ADORA1: variants seen among roughly 807,000 people sequenced by gnomAD.
ADORA1 encodes the protein adenosine receptor A1.
ADORA1 carries 6 observed loss-of-function variants against 19.9 expected under a neutral mutation model. The ratio of observed to expected loss-of-function variants is 0.30; its 90% confidence interval spans 0.17 to 0.59. The LOEUF (loss-of-function observed/expected upper bound fraction) is 0.59, where lower values mean the gene tolerates loss of function less well. Ranked by LOEUF, ADORA1 falls within the 20% of genes least tolerant of loss-of-function variation. The pLI, the probability that ADORA1 is intolerant of heterozygous loss-of-function variation, is 0.87. For missense variants in ADORA1, 302 were observed against 439.2 expected (o/e 0.69, Z 2.79); for synonymous variants, 194 against 188.4 (o/e 1.03, Z -0.24).
intron 3 of ADORA1, among the ~76,000 whole-genome samples, chr1:203,131,165 A>G (rs1005271613): frequency 6.6e-6 from 1 of 152,202 alleles, no homozygotes; most frequent in African/African-American, 2.4e-5. Context: ...TATTGTCACT[A>G]TTAACATATG....
chr1:203,161,800 C>T (rs1188584219), intron 3 of ADORA1, among the ~76,000 whole-genome samples: 3 of 152,102 alleles, frequency 2.0e-5, no homozygotes, highest in Non-Finnish European at 4.4e-5. Context: ...GTCTTGAACT[C>T]CCGACCTCAG....
intron 3 of ADORA1, among the ~76,000 whole-genome samples, chr1:203,130,585 G>T (rs1654301176): frequency 6.6e-6 from 1 of 152,256 alleles, no homozygotes; most frequent in African/African-American, 2.4e-5. Flanking sequence ...ATTAGTCCCA[G>T]GTTGCTGCTG....
chr1:203,143,847 GT>G (rs1484458244), intron 3 of ADORA1, among the ~76,000 whole-genome samples: 1 of 152,222 alleles, frequency 6.6e-6, no homozygotes, highest in Non-Finnish European at 1.5e-5. Flanking sequence ...TCCACAGTCA[GT>G]GTGGAGACAG....
At chr1:203,155,896 A>G (rs1379312702) in intron 3 of ADORA1, among the ~76,000 whole-genome samples, 1 of 152,194 alleles carries the variant, frequency 6.6e-6, no homozygotes, top group African/African-American at 2.4e-5. Context: ...GGGCATTGTA[A>G]TTGCCTTCAG....
At chr1:203,142,212 G>T (rs893880846) in intron 3 of ADORA1, among the ~76,000 whole-genome samples, 1 of 152,226 alleles carries the variant, frequency 6.6e-6, no homozygotes, top group African/African-American at 2.4e-5. Flanking sequence ...ATAATCCAAA[G>T]TTTGTTTTTT....
rs78569839 is a variant in ADORA1, at chr1:203,145,248, G to A, written c.341+16066G>A. On this transcript the variant is annotated intron_variant, in intron 3 of 3. Coordinates refer to ENST00000337894, the MANE Select transcript of ADORA1 (RefSeq NM_000674.3). The stretch of plus-strand genomic sequence containing the variant: ...GTTAAGAAGAGACTGGCCAGGGGAC[G>A]AGAAAAGTGAGTGTTGAGTCCAGGT... Among the ~76,000 whole-genome samples, 72 of 152,332 alleles carry A rather than the reference G, an allele frequency of 4.7e-4. No homozygotes were observed. The East Asian group carries it at 0.012, about 26-fold the overall frequency.
intron 3 of ADORA1, among the ~76,000 whole-genome samples, chr1:203,137,167 C>T (rs1362196916): frequency 6.6e-6 from 1 of 152,072 alleles, no homozygotes; most frequent in East Asian, 1.9e-4. Context: ...TGAGAAGGTG[C>T]CATTTGACCA....
At chr1:203,161,572 ATTT>A (rs34898677) in intron 3 of ADORA1, among the ~76,000 whole-genome samples, 1 of 136,642 alleles carries the variant, frequency 7.3e-6, no homozygotes, top group Non-Finnish European at 1.6e-5. Context: ...CCTCAGGGCT[ATTT>A]TTTTTTTTTT....
At chr1:203,145,477 T>G (rs1348724565) in intron 3 of ADORA1, among the ~76,000 whole-genome samples, 1 of 152,204 alleles carries the variant, frequency 6.6e-6, no homozygotes, top group East Asian at 1.9e-4. Flanking sequence ...CCTGTAAGGA[T>G]CCGGTGAGTG....
intron 3 of ADORA1, among the ~76,000 whole-genome samples, chr1:203,153,133 G>C (rs903448265): frequency 2.0e-5 from 3 of 152,086 alleles, no homozygotes; most frequent in Non-Finnish European, 4.4e-5. Flanking sequence ...ACACAGGTCT[G>C]GGGGGAGCTT....
At position 203,165,391 on chromosome 1, in the gene ADORA1, G is replaced by T. The variant is rs375273760; in HGVS notation, c.472G>T (p.Ala158Ser). Residue 158 changes from alanine to serine, a missense_variant, in exon 4 of 4, where the codon GCC becomes TCC. By Grantham distance (99) the Ala-to-Ser change is moderately conservative (BLOSUM62 1). Transcript: ENST00000337894. This position sits in a 1 kb window ranked among gnomAD's most constrained non-coding sequence, Gnocchi z 5.9. ...GAGTGCGGTGGAGCGGGCCTGGGCAGCCAACGGCAGCATGGGGGAGCCCGT... is the reference window on the plus strand; with the variant it reads ...GAGTGCGGTGGAGCGGGCCTGGGCATCCAACGGCAGCATGGGGGAGCCCGT... ...NLSAVERAWAANGSMGEPVIK... is the reference protein window; with the variant it reads ...NLSAVERAWASNGSMGEPVIK... The T allele has an allele frequency of 2.9e-5, 46 of 1,607,934 alleles. No homozygotes were observed. In the African/African-American group the frequency reaches 5.6e-4, roughly 20 times the overall value.
chr1:203,142,719 T>C (rs1263071681), intron 3 of ADORA1, among the ~76,000 whole-genome samples: 2 of 152,144 alleles, frequency 1.3e-5, no homozygotes, highest in Non-Finnish European at 2.9e-5. Flanking sequence ...GACATGACTC[T>C]GCTTCCAGGG....
At chr1:203,151,543 CAG>C (rs1655035453) in intron 3 of ADORA1, among the ~76,000 whole-genome samples, 1 of 152,150 alleles carries the variant, frequency 6.6e-6, no homozygotes, top group Non-Finnish European at 1.5e-5. Context: ...CCAGTAGAAT[CAG>C]GGGTGTGCTC....
intron 3 of ADORA1, among the ~76,000 whole-genome samples, chr1:203,133,775 G>A (rs549296911): frequency 2.3e-4 from 35 of 152,352 alleles, no homozygotes; most frequent in African/African-American, 5.8e-4. Flanking sequence ...CTGCTGACCC[G>A]GGGAACCACA....
intron 3 of ADORA1, chr1:203,152,480 T>A (rs1655069422): frequency 6.6e-6 from 1 of 152,354 alleles, no homozygotes; most frequent in African/African-American, 2.4e-5. Context: ...TCCACTTCAC[T>A]GGAAAAGGAA....
intron 3 of ADORA1, among the ~76,000 whole-genome samples, chr1:203,143,621 G>T (rs1045539910): frequency 1.3e-5 from 2 of 151,942 alleles, no homozygotes; most frequent in Admixed American, 6.6e-5. Context: ...TAATATTCTT[G>T]GCTTCCAGAC....
Position 203,128,321 on chromosome 1 carries a change from T to G in ADORA1, c.-169T>G. On this transcript the variant is annotated 5_prime_UTR_variant, in exon 2 of 4. Coordinates refer to ENST00000337894, the MANE Select transcript of ADORA1 (RefSeq NM_000674.3). This position sits in a 1 kb window ranked among gnomAD's most constrained non-coding sequence, Gnocchi z 5.9. ...CGGCGGGAGCCGGAGGACTATGAGC[T>G]GCCGCGCGTTGTCCAGAGCCCAGCC... is the stretch of plus-strand genomic sequence containing the variant. 2 of 1,287,112 alleles carry G rather than the reference T, an allele frequency of 1.6e-6. No individual in the cohort carries two copies. Among genetic ancestry groups the G allele is most frequent in the South Asian group, 2.5e-5 (2 of 80,894 alleles). The allele number at this position is 1,287,112 out of a possible 1,614,324, so 79.7% of individuals were successfully genotyped here.
rs1192461491 is a variant in ADORA1 at position 203,161,561 on chromosome 1, C to T, written c.342-3700C>T. Among the ~76,000 whole-genome samples, 6 of 151,272 alleles carry T rather than the reference C, an allele frequency of 4.0e-5. No individual in the cohort carries two copies. The East Asian group carries it at 1.2e-3, about 29-fold the overall frequency. On this transcript the variant is annotated intron_variant, in intron 3 of 3. Coordinates refer to ENST00000337894, the MANE Select transcript of ADORA1 (RefSeq NM_000674.3). ...TCTGGAGGTGGGGCTCTCCCTGGTTCCCTCAGGGCTATTTTTTTTTTTTTT... is the reference window on the plus strand; with the variant it reads ...TCTGGAGGTGGGGCTCTCCCTGGTTTCCTCAGGGCTATTTTTTTTTTTTTT...
chr1:203,165,212 C>G lies in ADORA1; in HGVS notation c.342-49C>G, dbSNP rs139893335. On this transcript the variant is annotated intron_variant, in intron 3 of 3. Coordinates refer to ENST00000337894, the MANE Select transcript of ADORA1 (RefSeq NM_000674.3). This position sits in a 1 kb window ranked among gnomAD's most constrained non-coding sequence, Gnocchi z 5.9. ...CCAGGCGTGCCTCAGAGGGGCCTTT[C>G]GAGGCAGCTGGGAGGCAGATCCTCA... 4 of 1,599,152 alleles carry G rather than the reference C, an allele frequency of 2.5e-6. No homozygotes were observed. The Admixed American group carries it at 6.9e-5, about 28-fold the overall frequency.
Sources: allele counts gnomAD v4.1 joint callset (sites outside exome capture counted in the v4.1 genomes callset), GRCh38; gene constraint gnomAD v4.1.1; non-coding constraint Gnocchi (gnomAD v3.1); transcripts MANE v1.5; gene names NCBI Gene and HGNC (gene_info 2026-07-23, HGNC 2026-07-21).